The following BMPR1B variants were observed in gnomAD, a reference collection of about 807,000 sequenced individuals.
The protein encoded by BMPR1B is bone morphogenetic protein receptor type 1B.
In BMPR1B, 12 loss-of-function variants were observed where a neutral mutation model predicts 59.1. That is an observed-to-expected ratio of 0.20 (90% CI 0.13 to 0.33). The LOEUF (loss-of-function observed/expected upper bound fraction) is 0.33. BMPR1B is among the 10% of genes least tolerant of loss of function. BMPR1B has a pLI of 1.00. For synonymous variants in BMPR1B, 237 were observed against 207.3 expected (o/e 1.14, Z -1.23); for missense variants, 550 against 610.9 (o/e 0.90, Z 1.05).
rs576110823 is a variant in BMPR1B at position 94,988,053 on chromosome 4, A to G, written c.-112-7987A>G. Among the ~76,000 whole-genome samples, 8 of 152,260 alleles carry G rather than the reference A, an allele frequency of 5.3e-5. No homozygotes were observed. In the South Asian group the frequency reaches 1.4e-3, roughly 28 times the overall value. Reference sequence around the variant, plus strand: ...AATTGTAGAAATTTTTGATTTAGTGAGGATTAATTCCTTACCTGTAAGAAA... The same window carrying G: ...AATTGTAGAAATTTTTGATTTAGTGGGGATTAATTCCTTACCTGTAAGAAA... On this transcript the variant is annotated intron_variant, in intron 2 of 12. Transcript: ENST00000515059.
chr4:94,916,682 T>C (rs1728496310), intron 2 of BMPR1B, among the ~76,000 whole-genome samples: 1 of 152,202 alleles, frequency 6.6e-6, no homozygotes, highest in African/African-American at 2.4e-5. Context: ...AATTTGTAGC[T>C]TAGCCATGTA....
chr4:94,925,510 C>T (rs1728851044), intron 2 of BMPR1B, among the ~76,000 whole-genome samples: 1 of 152,050 alleles, frequency 6.6e-6, no homozygotes, highest in Non-Finnish European at 1.5e-5. Flanking sequence ...CAGTCATATC[C>T]TAAGTGTTAT....
chr4:95,001,595 T>C (rs1722454886), intron 3 of BMPR1B, among the ~76,000 whole-genome samples: 1 of 152,198 alleles, frequency 6.6e-6, no homozygotes, highest in Non-Finnish European at 1.5e-5. Context: ...GATTAGAATA[T>C]AGAATATCTG....
At chr4:95,019,645 A>G (rs1723829007) in intron 3 of BMPR1B, among the ~76,000 whole-genome samples, 1 of 152,182 alleles carries the variant, frequency 6.6e-6, no homozygotes, top group Non-Finnish European at 1.5e-5. Context: ...GGAGGGAGGA[A>G]GAAGTCGAAA....
intron 2 of BMPR1B, among the ~76,000 whole-genome samples, chr4:94,929,201 CCGT>C (rs1728999949): frequency 6.6e-6 from 1 of 152,098 alleles, no homozygotes; most frequent in Non-Finnish European, 1.5e-5. Flanking sequence ...ACAGTCAAAG[CCGT>C]CGTTAAACAT....
chr4:94,759,270 A>G (rs1721664389), intron 1 of BMPR1B, among the ~76,000 whole-genome samples: 1 of 152,260 alleles, frequency 6.6e-6, no homozygotes, highest in African/African-American at 2.4e-5. Flanking sequence ...CAACGGAGGA[A>G]GAGAGCCGTT....
chr4:94,909,094 C>T (rs1728177926), intron 2 of BMPR1B, among the ~76,000 whole-genome samples: 1 of 152,068 alleles, frequency 6.6e-6, no homozygotes, highest in Non-Finnish European at 1.5e-5. Context: ...ACTCCAGTCT[C>T]TGCTTTCACA....
At chr4:95,123,225 T>C (rs1732653269) in intron 6 of BMPR1B, among the ~76,000 whole-genome samples, 2 of 152,184 alleles carry the variant, frequency 1.3e-5, no homozygotes, top group East Asian at 1.9e-4. Flanking sequence ...TTTTAAAATA[T>C]GATTCAGTTT....
chr4:94,860,476 A>G (rs1166386278), intron 1 of BMPR1B, among the ~76,000 whole-genome samples: 1 of 152,196 alleles, frequency 6.6e-6, no homozygotes, highest in Non-Finnish European at 1.5e-5. Context: ...AGCAGTTTTT[A>G]TGTAATAAGG....
At chr4:94,897,267 G>A (rs1243984220) in intron 2 of BMPR1B, among the ~76,000 whole-genome samples, 4 of 152,012 alleles carry the variant, frequency 2.6e-5, no homozygotes, top group Non-Finnish European at 4.4e-5. Context: ...CGTGGACTCC[G>A]AAACCTTTTG....
At chr4:94,843,900 C>A (rs1230831640) in intron 1 of BMPR1B, among the ~76,000 whole-genome samples, 1 of 152,072 alleles carries the variant, frequency 6.6e-6, no homozygotes, top group African/African-American at 2.4e-5. Context: ...TGATGGATGA[C>A]CTGGGGCTGC....
At chr4:95,096,251 A>G (rs1469983576) in intron 3 of BMPR1B, among the ~76,000 whole-genome samples, 1 of 151,754 alleles carries the variant, frequency 6.6e-6, no homozygotes, top group Admixed American at 6.6e-5. Context: ...ATTTCCTACT[A>G]CAAGAGATTC....
At chr4:94,945,740 A>G (rs1256449562) in intron 2 of BMPR1B, among the ~76,000 whole-genome samples, 3 of 152,216 alleles carry the variant, frequency 2.0e-5, no homozygotes, top group Non-Finnish European at 2.9e-5. Context: ...TCACTGAGTT[A>G]TATTTATGAC....
At chr4:94,951,248 T>A (rs1729923462) in intron 2 of BMPR1B, among the ~76,000 whole-genome samples, 1 of 152,168 alleles carries the variant, frequency 6.6e-6, no homozygotes, top group Non-Finnish European at 1.5e-5. Flanking sequence ...TCTCTTCCTA[T>A]TTGAATACCC....
intron 10 of BMPR1B, among the ~76,000 whole-genome samples, chr4:95,134,706 G>C (rs1042686962): frequency 6.8e-4 from 104 of 152,124 alleles, no homozygotes; most frequent in Middle Eastern, 3.2e-3. Context: ...CCCACTTTTT[G>C]ATGGGGTTGT....
At chr4:94,859,069 A>C (rs1725879828) in intron 1 of BMPR1B, among the ~76,000 whole-genome samples, 1 of 152,182 alleles carries the variant, frequency 6.6e-6, no homozygotes, top group Admixed American at 6.5e-5. Context: ...ACACTATCAG[A>C]GGCAGATCTG....
chr4:94,762,449 A>C (rs1017640575), intron 1 of BMPR1B, among the ~76,000 whole-genome samples: 1 of 152,150 alleles, frequency 6.6e-6, no homozygotes, highest in Non-Finnish European at 1.5e-5. Context: ...GAAAGAGCCA[A>C]CCCCGTGAAG....
intron 2 of BMPR1B, among the ~76,000 whole-genome samples, chr4:94,966,974 G>A (rs1007780061): frequency 6.6e-6 from 1 of 152,120 alleles, no homozygotes; most frequent in Non-Finnish European, 1.5e-5. Flanking sequence ...GGAAATATTA[G>A]CCTGTAATGG....
intron 3 of BMPR1B, among the ~76,000 whole-genome samples, chr4:95,101,857 C>T (rs1306575046): frequency 6.6e-6 from 1 of 152,154 alleles, no homozygotes; most frequent in Non-Finnish European, 1.5e-5. Context: ...AGACAAGTGA[C>T]TGCCTGTCTT....
Sources: gnomAD v4.1 joint callset for allele counts (sites outside exome capture counted in the v4.1 genomes callset) on GRCh38, gnomAD v4.1.1 for gene constraint, MANE v1.5 for transcripts, NCBI Gene and HGNC (gene_info 2026-07-23, HGNC 2026-07-21) for gene names.